RIF1: variants seen among roughly 807,000 people sequenced by gnomAD.
RIF1 encodes telomere-associated protein RIF1.
A neutral mutation model predicts 247.1 loss-of-function variants in RIF1; 45 were observed. That is an observed-to-expected ratio of 0.18 (90% CI 0.14 to 0.23). The LOEUF (loss-of-function observed/expected upper bound fraction) is 0.23, where lower values mean the gene tolerates loss of function less well. Among genes scored for constraint, RIF1 ranks in the 10% least tolerant of loss-of-function variants. RIF1 has a pLI of 1.00. For missense variants in RIF1, 2,967 were observed against 2,862.5 expected (o/e 1.04, Z -0.83); for synonymous variants, 1,087 against 978.8 (o/e 1.11, Z -2.06).
In RIF1 at chr2:151,426,500, C is replaced by T. The variant is rs1388615846; in HGVS notation, c.787-2284C>T. Among the ~76,000 whole-genome samples, 12 of 151,762 alleles carry T rather than the reference C, an allele frequency of 7.9e-5. No individual in the cohort carries two copies. In the South Asian group the frequency reaches 1.5e-3, roughly 18 times the overall value. On this transcript the variant is annotated intron_variant, in intron 8 of 35. Coordinates refer to ENST00000444746, the MANE Select transcript of RIF1 (RefSeq NM_018151.5). ...TTTTGGCTTTTTGAGACTGCAATTC[C>T]GTGTGAATTTGACGATCGACTTCTT...
At chr2:151,455,849 T>A (rs893431551) in intron 22 of RIF1, among the ~76,000 whole-genome samples, 21 of 152,218 alleles carry the variant, frequency 1.4e-4, no homozygotes, top group Admixed American at 1.3e-3. Context: ...ATCTCATTTT[T>A]AAAAATGTCT....
At chr2:151,432,591 G>A (rs1053741081) in intron 9 of RIF1, among the ~76,000 whole-genome samples, 1 of 152,128 alleles carries the variant, frequency 6.6e-6, no homozygotes, top group Non-Finnish European at 1.5e-5. Flanking sequence ...TTGACATAAT[G>A]TAAACATATG....
chr2:151,498,168 G>T, intron 10 of RIF1: 1 of 1,542,648 alleles, frequency 6.5e-7, no homozygotes, highest in Non-Finnish European at 8.8e-7. Flanking sequence ...AAGCAAAGAA[G>T]GGAAATGGGC....
chr2:151,497,383 C>A, intron 10 of RIF1: 1 of 979,444 alleles, frequency 1.0e-6, no homozygotes, highest in Non-Finnish European at 1.2e-6. Context: ...AACTGAAAAA[C>A]TCATTATTTT....
In RIF1 at chr2:151,496,066, C is replaced by T. The variant is rs554485389; in HGVS notation, c.*513+740C>T. Among the ~76,000 whole-genome samples, 10 of 151,808 alleles carry T rather than the reference C, an allele frequency of 6.6e-5. No individual in the cohort carries two copies. In the East Asian group the frequency reaches 1.9e-3, roughly 29 times the overall value. ...GGATGTTTTATAGGAAAATCTGTTA[C>T]TTCTTGATATTAGAACTTTATGGAT... On this transcript the variant is annotated intron_variant and NMD_transcript_variant, in intron 10 of 13. Transcript: ENST00000454583.
At chr2:151,533,687 C>A in the RIF1 span, 1 of 597,360 alleles carries the variant, frequency 1.7e-6, no homozygotes. Flanking sequence ...GTGAAGACAT[C>A]AAATACATTA....
intron 10 of RIF1, chr2:151,499,186 A>T: frequency 1.8e-6 from 1 of 559,232 alleles, no homozygotes; most frequent in Middle Eastern, 4.9e-4. Context: ...AGTTGGGAAA[A>T]AGACAGGTCA....
Position 151,475,014 on chromosome 2 carries a change from T to C in RIF1, c.7362T>C (p.Ser2454=). 2 of 1,613,778 alleles carry C rather than the reference T, an allele frequency of 1.2e-6. No homozygotes were observed. The highest frequency in any genetic ancestry group is 1.7e-6 in the Non-Finnish European group (2 of 1,179,748). The change falls in exon 36 of 36, where the codon TCT becomes TCC. Residue 2454 remains serine, a synonymous_variant. Coordinates refer to ENST00000444746, the MANE Select transcript of RIF1 (RefSeq NM_018151.5). The stretch of plus-strand genomic sequence containing the variant: ...AGAAACTAAGTTGTATGGCAAACTC[T>C]GTAATAAAAAATCTACAGTCACGTT... The part of the protein sequence containing the change: ...MHEKLSCMAN[S]VIKNLQSRWR...
At chr2:151,424,588 C>A (rs536374534) in intron 8 of RIF1, among the ~76,000 whole-genome samples, 1 of 152,226 alleles carries the variant, frequency 6.6e-6, no homozygotes, top group African/African-American at 2.4e-5. Context: ...GGAGTTCCTG[C>A]TTTCAGTTTT....
At chr2:151,419,320 T>A (rs1317427144) in intron 6 of RIF1, among the ~76,000 whole-genome samples, 1 of 152,160 alleles carries the variant, frequency 6.6e-6, no homozygotes. Context: ...CATTTATTTT[T>A]TGTTTTTTTA....
In RIF1 at chr2:151,461,164, A is replaced by G; in HGVS notation, c.3102A>G (p.Lys1034=). The change falls in exon 27 of 36, where the codon AAA becomes AAG. Residue 1034 remains lysine (K), a synonymous_variant. Coordinates refer to ENST00000444746, the MANE Select transcript of RIF1 (RefSeq NM_018151.5). Reference sequence around the variant, plus strand: ...TGAAACTTGAATCTTCGTCTTTAAAAGTAAAGGGTGAAATTCTTTTGGAAG... The same window carrying G: ...TGAAACTTGAATCTTCGTCTTTAAAGGTAAAGGGTGAAATTCTTTTGGAAG... ...AKLKLESSSL[K]VKGEILLEEE... The G allele has an allele frequency of 1.2e-6, 2 of 1,611,158 alleles. No homozygotes were observed. The highest frequency in any genetic ancestry group is 2.2e-5 in the South Asian group (2 of 89,812).
chr2:151,485,369 G>T (rs1306300313), downstream of RIF1: 1 of 157,440 alleles, frequency 6.4e-6, no homozygotes, highest in Non-Finnish European at 1.4e-5. Context: ...TTAGTTGCTG[G>T]TTTGTATTGA....
the RIF1 span, chr2:151,527,607 G>T: frequency 6.4e-6 from 10 of 1,566,012 alleles, no homozygotes; most frequent in Non-Finnish European, 7.9e-6. Flanking sequence ...AGGAGAGAAA[G>T]GAATCACTTG....
At chr2:151,440,827 GTAGT>G (rs1692158833) in intron 15 of RIF1, among the ~76,000 whole-genome samples, 1 of 152,232 alleles carries the variant, frequency 6.6e-6, no homozygotes, top group Non-Finnish European at 1.5e-5. Context: ...GAATGTAGCA[GTAGT>G]TAAAGACTAA....
intron 11 of RIF1, chr2:151,502,687 G>T (rs2153099239): frequency 1.4e-6 from 1 of 710,082 alleles, no homozygotes; most frequent in Middle Eastern, 3.8e-4. Flanking sequence ...GTAATATTTG[G>T]TATCATTATT....
intron 9 of RIF1, among the ~76,000 whole-genome samples, chr2:151,490,924 C>G (rs749076437): frequency 2.2e-4 from 33 of 152,338 alleles, no homozygotes; most frequent in Non-Finnish European, 4.1e-4. Flanking sequence ...CCCAAAATAC[C>G]ATGGGCAGAC....
In RIF1 at chr2:151,454,926, G is replaced by T; in HGVS notation, c.2376G>T (p.Lys792Asn). ...AGAGACCTTCAGATTGGTCCAAAAA[G>T]AAGAATGAGCCCCTAGGGAAATTGA... ...SPQRPSDWSK[K>N]KNEPLGKLTS... Residue 792 changes from lysine (K) to asparagine (N), a missense_variant, in exon 22 of 36, where the codon AAG becomes AAT. Lys to Asn is a moderately conservative substitution (Grantham distance 94). Coordinates refer to ENST00000444746, the MANE Select transcript of RIF1 (RefSeq NM_018151.5). The T allele has an allele frequency of 6.2e-7, 1 of 1,609,712 alleles. No homozygotes were observed. Among genetic ancestry groups the T allele is most frequent in the Non-Finnish European group, 8.5e-7 (1 of 1,177,768 alleles).
At chr2:151,492,325 C>A in intron 9 of RIF1, 1 of 1,597,522 alleles carries the variant, frequency 6.3e-7, no homozygotes, top group Non-Finnish European at 8.5e-7. Flanking sequence ...GATGGTGTGA[C>A]TATATCCCTT....
At chr2:151,485,729 T>TC (rs759841766), downstream of RIF1, 1 of 1,577,764 alleles carries the variant, frequency 6.3e-7, no homozygotes, top group Non-Finnish European at 8.6e-7. Flanking sequence ...GATCTGTAAG[T>TC]CCTGCAGACA....
Sources: gnomAD v4.1 joint callset for allele counts (sites outside exome capture counted in the v4.1 genomes callset) on GRCh38, gnomAD v4.1.1 for gene constraint, MANE v1.5 for transcripts, NCBI Gene and HGNC (gene_info 2026-07-23, HGNC 2026-07-21) for gene names.